The following SHISAL2A variants were observed in gnomAD, a reference collection of about 807,000 sequenced individuals.
The protein encoded by SHISAL2A is shisa like 2A.
Under a neutral mutation model 11.5 loss-of-function variants are expected in SHISAL2A, and 18 were observed. The observed-to-expected ratio is 1.57, with a 90% CI of 1.08 to 2.33. SHISAL2A has a LOEUF of 2.33. Ranked by LOEUF, SHISAL2A falls within the 30% of genes most tolerant of loss-of-function variation. The pLI is 0.00. For missense variants in SHISAL2A, 261 were observed against 250.9 expected (o/e 1.04, Z -0.27); for synonymous variants, 94 against 99.6 (o/e 0.94, Z 0.34).
intron 5 of SHISAL2A, chr1:52,668,493 T>G (rs763563939): frequency 6.6e-6 from 1 of 152,244 alleles, no homozygotes; most frequent in East Asian, 1.9e-4. Context: ...ACAGCTTCTC[T>G]GTGTCATAGC....
At chr1:52,653,546 C>T (rs1691721671) in intron 2 of SHISAL2A, among the ~76,000 whole-genome samples, 1 of 151,902 alleles carries the variant, frequency 6.6e-6, no homozygotes, top group East Asian at 1.9e-4. Context: ...GAGTTCAAGG[C>T]TCACTTGTAA....
downstream of SHISAL2A, among the ~76,000 whole-genome samples, chr1:52,661,449 C>T (rs553708661): frequency 6.6e-6 from 1 of 152,328 alleles, no homozygotes; most frequent in South Asian, 2.1e-4. Context: ...GCCTGACTGA[C>T]TCATGACACT....
rs146339377 is a variant in SHISAL2A, at chr1:52,654,125, G to A, written c.323-2665G>A. Among the ~76,000 whole-genome samples the A allele has an allele frequency of 1.3e-4, 19 of 151,884 alleles. No individual in the cohort carries two copies. The East Asian group carries it at 3.7e-3, about 29-fold the overall frequency. On this transcript the variant is annotated intron_variant, in intron 2 of 2. Transcript: ENST00000517870. The stretch of plus-strand genomic sequence containing the variant: ...GGGTTCTTGCTATGTTGCCCAGGCT[G>A]GTTTTGAACTCCTGGGCTCAAGCAA...
chr1:52,657,972 G>A (rs1691827309), downstream of SHISAL2A, among the ~76,000 whole-genome samples: 1 of 152,166 alleles, frequency 6.6e-6, no homozygotes, highest in Non-Finnish European at 1.5e-5. Flanking sequence ...CAGTCCCCTT[G>A]CTGGGTTATT....
At chr1:52,667,438 C>T (rs373231309) in exon 5 of SHISAL2A, 6 of 977,940 alleles carry the variant, frequency 6.1e-6, no homozygotes, top group South Asian at 9.5e-5. Flanking sequence ...AATTGTAATT[C>T]GTTCAAAGAG....
At chr1:52,640,561 C>A (rs954721681) in intron 1 of SHISAL2A, among the ~76,000 whole-genome samples, 2 of 151,862 alleles carry the variant, frequency 1.3e-5, no homozygotes, top group Non-Finnish European at 1.5e-5. Flanking sequence ...GGTCTGAAAT[C>A]CCGCCTACCA....
At chr1:52,644,560 A>G (rs925960008) in intron 2 of SHISAL2A, among the ~76,000 whole-genome samples, 1 of 151,796 alleles carries the variant, frequency 6.6e-6, no homozygotes, top group African/African-American at 2.4e-5. Flanking sequence ...CCCTGTCTCT[A>G]CTAAAAATAC....
At chr1:52,643,368 T>C (rs1390884159) in intron 2 of SHISAL2A, among the ~76,000 whole-genome samples, 1 of 152,236 alleles carries the variant, frequency 6.6e-6, no homozygotes, top group Non-Finnish European at 1.5e-5. Flanking sequence ...AAACTCATAA[T>C]TTATCAGAAA....
chr1:52,656,739 A>C (rs1180919053), intron 2 of SHISAL2A, 51 bp from the exon 3 acceptor site: 1 of 1,555,246 alleles, frequency 6.4e-7, no homozygotes, highest in African/African-American at 1.4e-5. Context: ...GGGGAGTGTG[A>C]TCCTGTTGGG....
At chr1:52,657,298 G>T (rs890819587), downstream of SHISAL2A, among the ~76,000 whole-genome samples, 1 of 152,130 alleles carries the variant, frequency 6.6e-6, no homozygotes, top group Non-Finnish European at 1.5e-5. Flanking sequence ...AGGCACAGAG[G>T]AGCCCCTCAC....
At chr1:52,649,464 T>C (rs1395145623) in intron 2 of SHISAL2A, among the ~76,000 whole-genome samples, 1 of 152,180 alleles carries the variant, frequency 6.6e-6, no homozygotes, top group East Asian at 1.9e-4. Context: ...GGGGAGTGCC[T>C]TGGCAAGAGC....
rs535606572 is a variant in SHISAL2A at position 52,646,729 on chromosome 1, C to A, written c.322+3727C>A. Among the ~76,000 whole-genome samples the A allele has an allele frequency of 7.2e-5, 11 of 152,282 alleles. No individual in the cohort carries two copies. The South Asian group carries it at 2.3e-3, about 32-fold the overall frequency. On this transcript the variant is annotated intron_variant, in intron 2 of 2. Transcript: ENST00000517870. ...TATGCTCTGCCTTCTCTTTGCAGCT[C>A]TCATGGTACAAGCAAGTGTCTTTTT...
intron 1 of SHISAL2A, among the ~76,000 whole-genome samples, chr1:52,635,355 C>T (rs867699323): frequency 2.7e-4 from 41 of 150,164 alleles, no homozygotes; most frequent in African/African-American, 9.5e-4. Context: ...CCCTCATTCC[C>T]CACCCCCCAC....
At chr1:52,650,945 T>C (rs977415899) in intron 2 of SHISAL2A, among the ~76,000 whole-genome samples, 4 of 148,232 alleles carry the variant, frequency 2.7e-5, no homozygotes, top group African/African-American at 5.2e-5. Context: ...ACGCCTGGCC[T>C]AACCTTTTTT....
At chr1:52,658,283 G>A (rs545715535), downstream of SHISAL2A, among the ~76,000 whole-genome samples, 274 of 152,174 alleles carry the variant, frequency 1.8e-3, no homozygotes, top group African/African-American at 6.3e-3. Flanking sequence ...CAAGTGATCC[G>A]CCTGCCTTGG....
intron 4 of SHISAL2A, among the ~76,000 whole-genome samples, chr1:52,664,068 T>C (rs1691959669): frequency 6.6e-6 from 1 of 152,224 alleles, no homozygotes; most frequent in Admixed American, 6.5e-5. Flanking sequence ...GAACACATTA[T>C]ACCAAATAGA....
At chr1:52,659,021 T>G (rs564710), downstream of SHISAL2A, among the ~76,000 whole-genome samples, 1,452 of 151,472 alleles carry the variant, frequency 9.6e-3, 24 homozygotes, top group African/African-American at 0.031. Flanking sequence ...TTTGTTGTTG[T>G]TGGTGGTGGT....
intron 1 of SHISAL2A, among the ~76,000 whole-genome samples, chr1:52,640,242 C>T (rs370694144): frequency 1.8e-4 from 28 of 152,210 alleles, no homozygotes; most frequent in South Asian, 4.1e-4. Context: ...TAACAGGGAG[C>T]GAAATCCTGC....
chr1:52,662,055 TCCTGCAACCCCGC>T (rs1691916905), downstream of SHISAL2A, among the ~76,000 whole-genome samples: 1 of 151,376 alleles, frequency 6.6e-6, no homozygotes, highest in South Asian at 2.1e-4. Flanking sequence ...ATAATAATAA[TCCTGCAACCCCGC>T]CCTTCAGGCC....
Sources: gnomAD v4.1 joint callset for allele counts (sites outside exome capture counted in the v4.1 genomes callset) on GRCh38, gnomAD v4.1.1 for gene constraint, MANE v1.5 for transcripts, NCBI Gene and HGNC (gene_info 2026-07-23, HGNC 2026-07-21) for gene names.